Variants in MLIP observed in about 807,000 individuals in gnomAD.
The protein encoded by MLIP is muscular LMNA interacting protein, also known as muscular LMNA-interacting protein.
Under a neutral mutation model 84.8 loss-of-function variants are expected in MLIP, and 79 were observed. The ratio of observed to expected loss-of-function variants is 0.93; its 90% confidence interval spans 0.78 to 1.12. The LOEUF (loss-of-function observed/expected upper bound fraction) is 1.12. Among genes scored for constraint, MLIP ranks in the 50% most tolerant of loss-of-function variants. MLIP has a pLI of 0.00. For missense variants in MLIP, 1,257 were observed against 1,160.6 expected (o/e 1.08, Z -1.21); for synonymous variants, 504 against 463.0 (o/e 1.09, Z -1.14).
rs754819019 is a variant in MLIP at position 54,160,755 on chromosome 6, C to T, written c.2455C>T (p.Pro819Ser). Residue 819 changes from proline (P) to serine (S), a missense_variant, in exon 8 of 14, where the codon CCT (proline) becomes TCT (serine). Pro to Ser is a moderately conservative substitution (Grantham distance 74). Coordinates refer to ENST00000502396, the MANE Select transcript of MLIP (RefSeq NM_001281747.2). ...DSLSMHSSDS[P>S]SRSPKTLLGS... ...TTTTTTTCAGCATTCTTCTGATTCTCCTTCAAGGTCCCCAAAGACATTGTT... is the reference window on the plus strand; with the variant it reads ...TTTTTTTCAGCATTCTTCTGATTCTTCTTCAAGGTCCCCAAAGACATTGTT... 5 of 1,595,298 alleles carry T rather than the reference C, an allele frequency of 3.1e-6. No homozygotes were observed. Among genetic ancestry groups the T allele is most frequent in the Non-Finnish European group, 2.6e-6 (3 of 1,163,916 alleles).
chr6:54,087,377 A>G (rs1767567696), intron 1 of MLIP, among the ~76,000 whole-genome samples: 1 of 152,216 alleles, frequency 6.6e-6, no homozygotes. Context: ...TCTATTAATG[A>G]GTCCATTCTG....
intron 10 of MLIP, among the ~76,000 whole-genome samples, chr6:54,195,287 T>G (rs184547711): frequency 6.6e-6 from 1 of 152,216 alleles, no homozygotes; most frequent in East Asian, 1.9e-4. Context: ...GTTACACATC[T>G]TATCTCTCCA....
intron 1 of MLIP, among the ~76,000 whole-genome samples, chr6:54,104,242 A>T (rs574851043): frequency 1.2e-4 from 18 of 152,130 alleles, no homozygotes; most frequent in Non-Finnish European, 2.5e-4. Context: ...ATTATAAGTA[A>T]ATATTACATT....
intron 3 of MLIP, among the ~76,000 whole-genome samples, chr6:54,134,566 A>G (rs558644733): frequency 6.6e-6 from 1 of 152,060 alleles, no homozygotes; most frequent in East Asian, 1.9e-4. Context: ...TATATTAAAA[A>G]GTATAATAAA....
chr6:54,117,220 T>G (rs1325008976), intron 1 of MLIP, among the ~76,000 whole-genome samples: 1 of 147,612 alleles, frequency 6.8e-6, no homozygotes, highest in African/African-American at 2.5e-5. Context: ...TCTTTTTTTT[T>G]TTTTTTTTTT....
chr6:54,217,336 T>C, intron 11 of MLIP: 1 of 985,362 alleles, frequency 1.0e-6, no homozygotes, highest in Non-Finnish European at 1.2e-6. Context: ...GAGCTCAAAA[T>C]GCCGTAAAAT....
chr6:54,132,093 G>C (rs1274830051), intron 3 of MLIP, among the ~76,000 whole-genome samples: 1 of 152,130 alleles, frequency 6.6e-6, no homozygotes, highest in Non-Finnish European at 1.5e-5. Context: ...TCAAGATACT[G>C]CTTCTTGTAT....
At position 54,025,487 on chromosome 6, in the gene MLIP, A is replaced by G. The variant is rs186939680; in HGVS notation, c.63+6396A>G. On this transcript the variant is annotated intron_variant, in intron 1 of 12. Transcript: ENST00000274897. ...CCACAATTGGTTGCATTCATTCTTA[A>G]TAAACTAATTTTGGTGATGACCTAA... Among the ~76,000 whole-genome samples the G allele has an allele frequency of 1.9e-3, 293 of 152,348 alleles. 3 individuals are homozygous for G. The highest frequency in any genetic ancestry group is 6.2e-3 in the South Asian group (30 of 4,826).
Position 54,139,533 on chromosome 6 carries a change from C to T in MLIP, c.2217+1247C>T, listed in dbSNP as rs191845288. Among the ~76,000 whole-genome samples, 107 of 152,216 alleles carry T rather than the reference C, an allele frequency of 7.0e-4. 1 individual carries two copies. Among genetic ancestry groups the T allele is most frequent in the African/African-American group, 2.2e-3 (93 of 41,532 alleles). The stretch of plus-strand genomic sequence containing the variant: ...TAAGACGATTAGCCTTATAATCTGA[C>T]GGTAATAATAGCAGCAATATCAAAT... On this transcript the variant is annotated intron_variant, in intron 4 of 13. Transcript: ENST00000502396.
chr6:54,122,352 A>G (rs1422536917), intron 2 of MLIP, among the ~76,000 whole-genome samples: 2 of 152,200 alleles, frequency 1.3e-5, no homozygotes, highest in Non-Finnish European at 2.9e-5. Flanking sequence ...TCTTGATTGT[A>G]CCTATCTAAA....
chr6:54,159,337 A>G (rs1238029582), intron 5 of MLIP, among the ~76,000 whole-genome samples: 1 of 152,088 alleles, frequency 6.6e-6, no homozygotes, highest in Non-Finnish European at 1.5e-5. Flanking sequence ...ATATGTGCTG[A>G]AAATCGAAAT....
intron 11 of MLIP, among the ~76,000 whole-genome samples, chr6:54,228,548 C>T (rs901741332): frequency 6.6e-6 from 1 of 152,050 alleles, no homozygotes; most frequent in Admixed American, 6.6e-5. Context: ...CAGGTTTGAC[C>T]GACTCCTAAG....
In MLIP at chr6:54,239,778, T is replaced by G. The variant is rs148090013; in HGVS notation, c.2922+8861T>G. Reference sequence around the variant, plus strand: ...CTCCAGTCTGGGTGACAGAGCAAGATTCTGTCTAAAAATAAAAAATAAAAA... The same window carrying G: ...CTCCAGTCTGGGTGACAGAGCAAGAGTCTGTCTAAAAATAAAAAATAAAAA... On this transcript the variant is annotated intron_variant, in intron 12 of 13. Coordinates refer to ENST00000502396, the MANE Select transcript of MLIP (RefSeq NM_001281747.2). Among the ~76,000 whole-genome samples the G allele has an allele frequency of 6.3e-4, 95 of 151,872 alleles. 1 individual carries two copies. In the East Asian group the frequency reaches 0.015, roughly 23 times the overall value.
intron 11 of MLIP, chr6:54,216,349 C>T: frequency 1.0e-6 from 1 of 985,332 alleles, no homozygotes; most frequent in African/African-American, 1.7e-5. Flanking sequence ...TCCTAAACAC[C>T]TCCACATGGG....
At chr6:54,117,211 CTTTTTTT>C (rs200691416) in intron 1 of MLIP, among the ~76,000 whole-genome samples, 287 of 117,810 alleles carry the variant, frequency 2.4e-3, no homozygotes, top group African/African-American at 6.4e-3. Flanking sequence ...CTATTTCTGT[CTTTTTTT>C]TTTTTTTTTT....
intron 9 of MLIP, among the ~76,000 whole-genome samples, chr6:54,171,469 T>TA (rs1368136051): frequency 6.6e-6 from 1 of 151,540 alleles, no homozygotes; most frequent in Non-Finnish European, 1.5e-5. Flanking sequence ...TGGAAGACCA[T>TA]AAAGGATCAT....
At chr6:54,126,459 G>A (rs1361719980) in intron 3 of MLIP, among the ~76,000 whole-genome samples, 1 of 151,888 alleles carries the variant, frequency 6.6e-6, no homozygotes, top group Non-Finnish European at 1.5e-5. Context: ...AAAAAGCAGA[G>A]CTCAACCTCA....
At chr6:54,021,600 C>A (rs1362168081) in intron 1 of MLIP, among the ~76,000 whole-genome samples, 2 of 152,136 alleles carry the variant, frequency 1.3e-5, no homozygotes, top group Non-Finnish European at 2.9e-5. Flanking sequence ...TGCTACACAT[C>A]CAATATAAAT....
chr6:54,229,283 G>T (rs1780813399), intron 11 of MLIP, among the ~76,000 whole-genome samples: 1 of 152,034 alleles, frequency 6.6e-6, no homozygotes, highest in Non-Finnish European at 1.5e-5. Flanking sequence ...TTCCAAAATT[G>T]TCAAATAAAA....
Sources: gnomAD v4.1 joint callset for allele counts (sites outside exome capture counted in the v4.1 genomes callset) on GRCh38, gnomAD v4.1.1 for gene constraint, MANE v1.5 for transcripts, NCBI Gene and HGNC (gene_info 2026-07-23, HGNC 2026-07-21) for gene names.